The following CST2 variants were observed in gnomAD, a reference collection of about 807,000 sequenced individuals.
CST2 encodes cystatin SA, also known as cystatin-SA.
CST2 carries 26 observed loss-of-function variants against 13.4 expected under a neutral mutation model. That is an observed-to-expected ratio of 1.95 (90% CI 1.43 to 2.70). The LOEUF is 2.70. Ranked by LOEUF, CST2 falls within the 30% of genes most tolerant of loss-of-function variation. The pLI, the probability that CST2 is intolerant of heterozygous loss-of-function variation, is 0.00. For synonymous variants in CST2, 105 were observed against 71.1 expected (o/e 1.48, Z -2.40); for missense variants, 243 against 173.4 (o/e 1.40, Z -2.25).
In CST2 at chr20:23,823,938, G is replaced by A; in HGVS notation, c.*82C>T. On this transcript the variant is annotated 3_prime_UTR_variant, in exon 3 of 3. Coordinates refer to ENST00000304725, the MANE Select transcript of CST2 (RefSeq NM_001322.3). ...GGTGCATGGGGAGACCTCCCACAGG[G>A]TGGGGGCCACCAGTCCAGGGGTGGG... is the stretch of plus-strand genomic sequence containing the variant. 7.5e-7 allele frequency: 1 copy of A among 1,339,962 alleles called. No homozygotes were observed. The highest frequency in any genetic ancestry group is 1.0e-6 in the Non-Finnish European group (1 of 973,634). 83.0% of individuals were successfully genotyped at this position (1,339,962 alleles called of 1,614,324 possible).
chr20:23,823,945 C>A lies in CST2; in HGVS notation c.*75G>T. The A allele has an allele frequency of 6.6e-7, 1 of 1,526,254 alleles. No homozygotes were observed. The highest frequency in any genetic ancestry group is 1.1e-5 in the South Asian group (1 of 87,202). 94.5% of individuals were successfully genotyped at this position (1,526,254 alleles called of 1,614,324 possible). ...GGGGAGACCTCCCACAGGGTGGGGG[C>A]CACCAGTCCAGGGGTGGGAGCACTA... is the stretch of plus-strand genomic sequence containing the variant. On this transcript the variant is annotated 3_prime_UTR_variant, in exon 3 of 3. Transcript: ENST00000304725.
intron 1 of CST2, among the ~76,000 whole-genome samples, chr20:23,825,892 A>G (rs568574130): frequency 2.0e-5 from 3 of 152,220 alleles, no homozygotes; most frequent in Non-Finnish European, 2.9e-5. Context: ...GCTGGGCCCA[A>G]TAGCCCTTCT....
rs192440871 is a variant in CST2, at chr20:23,825,829, G to T, written c.229-506C>A. 2.0e-3 allele frequency among the ~76,000 whole-genome samples: 305 copies of T among 152,306 alleles called. 2 individuals are homozygous for T. The highest frequency in any genetic ancestry group is 7.1e-3 in the African/African-American group (296 of 41,560). On this transcript the variant is annotated intron_variant, in intron 1 of 2. Transcript: ENST00000304725. Reference sequence around the variant, plus strand: ...TTTGAATTTCCAAGAGAAGGTGGAGGAGCTCTAAAGCCTGTGTCACTATTT... The same window carrying T: ...TTTGAATTTCCAAGAGAAGGTGGAGTAGCTCTAAAGCCTGTGTCACTATTT...
rs141816898 is a variant in CST2 at position 23,825,320 on chromosome 20, C to G, written c.232G>C (p.Val78Leu). ...LRVLRAREQI[V>L]GGVNYFFDIE... is the part of the protein sequence containing the mutation. ...TCGAAGAAGTAATTCACCCCGCCCA[C>G]GATCTACACACATGAGAAAACAGGA... Residue 78 changes from valine (V) to leucine (L), a missense_variant, in exon 2 of 3, where the codon GTG becomes CTG. Transcript: ENST00000304725. 3.5e-6 allele frequency: 5 copies of G among 1,447,078 alleles called. No homozygotes were observed. Among genetic ancestry groups the G allele is most frequent in the Non-Finnish European group, 4.6e-6 (5 of 1,092,410 alleles). The allele number at this position is 1,447,078 out of a possible 1,614,324, so 89.6% of individuals were successfully genotyped here. A position where few individuals can be genotyped will look rare whatever the true frequency, so the allele number is the denominator to read the frequency against.
In CST2 at chr20:23,826,602, G is replaced by A. The variant is rs1984851144; in HGVS notation, c.59C>T (p.Ala20Val). 3.1e-6 allele frequency: 5 copies of A among 1,613,238 alleles called. No homozygotes were observed. Among genetic ancestry groups the A allele is most frequent in the Non-Finnish European group, 3.4e-6 (4 of 1,179,884 alleles). Residue 20 changes from alanine to valine, a missense_variant, in exon 1 of 3, where the codon GCC becomes GTC. Ala to Val is a moderately conservative substitution (Grantham distance 64). Coordinates refer to ENST00000304725, the MANE Select transcript of CST2 (RefSeq NM_001322.3). The stretch of plus-strand genomic sequence containing the variant: ...CCTGTCCTCCTCCTGGGGGCTCCAG[G>A]CCAGGGCCACAGCCTGGGTGGCCAG... ...LLLATQAVAL[A>V]WSPQEEDRII...
chr20:23,823,885 G>T lies in CST2; in HGVS notation c.*135C>A. On this transcript the variant is annotated 3_prime_UTR_variant, in exon 3 of 3. Transcript: ENST00000304725. ...CCCTGCTGAGCAACAAAGGCCTCCTGCAGCCTTCTCTGTCTTCTCCTGCTG... is the reference window on the plus strand; with the variant it reads ...CCCTGCTGAGCAACAAAGGCCTCCTTCAGCCTTCTCTGTCTTCTCCTGCTG... 1.1e-6 allele frequency: 1 copy of T among 913,366 alleles called. No individual in the cohort carries two copies. The highest frequency in any genetic ancestry group is 1.7e-6 in the Non-Finnish European group (1 of 589,988). The allele number at this position is 913,366 out of a possible 1,614,324, so 56.6% of individuals were successfully genotyped here.
At position 23,823,848 on chromosome 20, in the gene CST2, G is replaced by A; in HGVS notation, c.*172C>T. On this transcript the variant is annotated 3_prime_UTR_variant, in exon 3 of 3. Transcript: ENST00000304725. ...GCTATGAGAAGCAAAAGGAAGGAGG[G>A]AGGGCAGAGTCCCCTGCTGAGCAAC... 1.6e-6 allele frequency: 1 copy of A among 641,644 alleles called. No individual in the cohort carries two copies. The highest frequency in any genetic ancestry group is 2.7e-6 in the Non-Finnish European group (1 of 364,118). The allele number at this position is 641,644 out of a possible 1,614,324, so 39.7% of individuals were successfully genotyped here.
chr20:23,824,174 T>C (rs1443006952), intron 2 of CST2, 71 bp from the exon 3 acceptor site: 11 of 1,493,040 alleles, frequency 7.4e-6, no homozygotes, highest in Middle Eastern at 1.7e-4. Context: ...AGGCATGAGA[T>C]GTCACAGCCT....
chr20:23,823,926 A>T lies in CST2; in HGVS notation c.*94T>A. 1 of 1,208,594 alleles carries T rather than the reference A, an allele frequency of 8.3e-7. No homozygotes were observed. The highest frequency in any genetic ancestry group is 1.2e-6 in the Non-Finnish European group (1 of 859,864). The allele number at this position is 1,208,594 out of a possible 1,614,324, so 74.9% of individuals were successfully genotyped here. Reference sequence around the variant, plus strand: ...TCTCCTGCTGCAGGTGCATGGGGAGACCTCCCACAGGGTGGGGGCCACCAG... The same window carrying T: ...TCTCCTGCTGCAGGTGCATGGGGAGTCCTCCCACAGGGTGGGGGCCACCAG... On this transcript the variant is annotated 3_prime_UTR_variant, in exon 3 of 3. Coordinates refer to ENST00000304725, the MANE Select transcript of CST2 (RefSeq NM_001322.3).
At chr20:23,824,378 C>A (rs1203303791) in intron 2 of CST2, among the ~76,000 whole-genome samples, 2 of 152,088 alleles carry the variant, frequency 1.3e-5, no homozygotes, top group Non-Finnish European at 1.5e-5. Flanking sequence ...CTGTGCAAGA[C>A]CTTGGGAGCC....
Position 23,825,219 on chromosome 20 carries a change from T to C in CST2, c.333A>G (p.Glu111=). The change falls in exon 2 of 3, where the codon GAA becomes GAG. Residue 111 remains glutamate, a synonymous_variant. Transcript: ENST00000304725. ...CGCATCAGGAACGTACCTTCTGCAGTTCTGGCTGTTCATGGAAGGCACAGG... is the reference window on the plus strand; with the variant it reads ...CGCATCAGGAACGTACCTTCTGCAGCTCTGGCTGTTCATGGAAGGCACAGG... ...LDTCAFHEQP[E]LQKKQLCSFQ... is the part of the protein sequence containing the mutation. 6.2e-7 allele frequency: 1 copy of C among 1,614,162 alleles called. No homozygotes were observed. The highest frequency in any genetic ancestry group is 2.2e-5 in the East Asian group (1 of 44,876).
At chr20:23,824,727 C>A (rs1984771820) in intron 2 of CST2, among the ~76,000 whole-genome samples, 1 of 152,048 alleles carries the variant, frequency 6.6e-6, no homozygotes, top group Non-Finnish European at 1.5e-5. Context: ...GCCCCTTCTC[C>A]CTGCCCAGCA....
chr20:23,824,926 G>T (rs1055555818), intron 2 of CST2, among the ~76,000 whole-genome samples: 2 of 151,826 alleles, frequency 1.3e-5, no homozygotes, highest in African/African-American at 4.8e-5. Context: ...CAACCCCATG[G>T]ATCTATGTAC....
chr20:23,824,173 A>G, intron 2 of CST2, 70 bp from the exon 3 acceptor site: 6 of 1,509,594 alleles, frequency 4.0e-6, no homozygotes, highest in Non-Finnish European at 5.5e-6. Flanking sequence ...CAGGCATGAG[A>G]TGTCACAGCC....
chr20:23,824,632 C>G (rs866828036), intron 2 of CST2, among the ~76,000 whole-genome samples: 2 of 152,076 alleles, frequency 1.3e-5, no homozygotes, highest in Admixed American at 1.3e-4. Context: ...TCCAGGGCTT[C>G]CCAGCTAACA....
Position 23,826,723 on chromosome 20 carries a change from G to C in CST2, c.-63C>G, listed in dbSNP as rs6106732. On this transcript the variant is annotated 5_prime_UTR_variant, in exon 1 of 3. Coordinates refer to ENST00000304725, the MANE Select transcript of CST2 (RefSeq NM_001322.3). ...GGAGAGGAGGTTGAGAGCCTGAGGC[G>C]GGGATCCCAGACCAGCAGGCAGCTG... 15 of 1,445,508 alleles carry C rather than the reference G, an allele frequency of 1.0e-5. No individual in the cohort carries two copies. The highest frequency in any genetic ancestry group is 2.4e-4 in the Middle Eastern group (1 of 4,106). The allele number at this position is 1,445,508 out of a possible 1,614,324, so 89.5% of individuals were successfully genotyped here. A position where few individuals can be genotyped will look rare whatever the true frequency, so the allele number is the denominator to read the frequency against.
intron 2 of CST2, among the ~76,000 whole-genome samples, chr20:23,824,501 C>T (rs1281252325): frequency 1.3e-5 from 2 of 152,130 alleles, no homozygotes; most frequent in African/African-American, 2.4e-5. Context: ...AGGGCAACTC[C>T]GCCTCAAAGA....
At position 23,825,280 on chromosome 20, in the gene CST2, C is replaced by T. The variant is rs150428155; in HGVS notation, c.272G>A (p.Arg91Gln). Residue 91 changes from arginine to glutamine, a missense_variant, in exon 2 of 3, where the codon CGA becomes CAA. Physicochemically the swap from Arg to Gln is conservative, Grantham distance 43. Coordinates refer to ENST00000304725, the MANE Select transcript of CST2 (RefSeq NM_001322.3). ...GGGCTGGGACTTGGTACATATGGTT[C>T]GGCCCACCTCTATGTCGAAGAAGTA... ...VNYFFDIEVG[R>Q]TICTKSQPNL... 147 of 1,614,022 alleles carry T rather than the reference C, an allele frequency of 9.1e-5. No homozygotes were observed. The African/African-American group carries it at 1.3e-3, about 14-fold the overall frequency.
rs541655971 is a variant in CST2 at position 23,824,468 on chromosome 20, G to A, written c.343-365C>T. ...CAGCACTCAGGCCAGCACTAAGAGG[G>A]GCCAGAGGGAAGAACCCAGAGCAGG... On this transcript the variant is annotated intron_variant, in intron 2 of 2. Coordinates refer to ENST00000304725, the MANE Select transcript of CST2 (RefSeq NM_001322.3). Among the ~76,000 whole-genome samples the A allele has an allele frequency of 7.9e-5, 12 of 152,224 alleles. No individual in the cohort carries two copies. The East Asian group carries it at 2.3e-3, about 29-fold the overall frequency.
Sources: allele counts gnomAD v4.1 joint callset (sites outside exome capture counted in the v4.1 genomes callset), GRCh38; gene constraint gnomAD v4.1.1; transcripts MANE v1.5; gene names NCBI Gene and HGNC (gene_info 2026-07-23, HGNC 2026-07-21).